Variants in LAPTM4B observed in about 807,000 individuals in gnomAD.
LAPTM4B encodes the protein lysosomal-associated transmembrane protein 4B.
Under a neutral mutation model 28.5 loss-of-function variants are expected in LAPTM4B, and 26 were observed. The observed-to-expected ratio is 0.91, with a 90% CI of 0.67 to 1.27. The LOEUF is 1.27. Among genes scored for constraint, LAPTM4B ranks in the 50% most tolerant of loss-of-function variants. The probability of loss-of-function intolerance (pLI) is 0.00; values close to 1 mark genes in which losing one functional copy is unlikely to be tolerated. For missense variants in LAPTM4B, 288 were observed against 285.8 expected, an observed-to-expected ratio of 1.01 and a Z score of -0.06; for synonymous variants, 109 against 106.4, an observed-to-expected ratio of 1.02 and a Z score of -0.15.
intron 1 of LAPTM4B, among the ~76,000 whole-genome samples, chr8:97,779,124 G>A (rs963811735): frequency 2.6e-5 from 4 of 152,118 alleles, no homozygotes; most frequent in Admixed American, 6.6e-5. Flanking sequence ...CCAGGAGTTC[G>A]AAGCTGCAGT....
At chr8:97,810,338 A>G (rs1816808173) in intron 2 of LAPTM4B, among the ~76,000 whole-genome samples, 1 of 152,208 alleles carries the variant, frequency 6.6e-6, no homozygotes, top group Non-Finnish European at 1.5e-5. Context: ...TCTGGAAAAG[A>G]AAAAGGACAT....
intron 2 of LAPTM4B, among the ~76,000 whole-genome samples, chr8:97,807,887 TAAAAA>T (rs58830867): frequency 0.46 from 63,718 of 139,950 alleles, 14,589 homozygotes; most frequent in East Asian, 0.58. Context: ...AGAGATAACT[TAAAAA>T]AAAAAAAAAA....
At chr8:97,819,684 A>G (rs554043108) in intron 5 of LAPTM4B, among the ~76,000 whole-genome samples, 25 of 150,568 alleles carry the variant, frequency 1.7e-4, no homozygotes, top group African/African-American at 5.6e-4. Context: ...GAATATATTT[A>G]AGTACATCCT....
chr8:97,823,364 TTTGTTG>T (rs1817040365), intron 5 of LAPTM4B, among the ~76,000 whole-genome samples: 9 of 134,540 alleles, frequency 6.7e-5, no homozygotes, highest in African/African-American at 2.4e-4. Flanking sequence ...TTGTTTTTTT[TTTGTTG>T]TTGTTGTTGT....
chr8:97,805,431 C>G lies in LAPTM4B; in HGVS notation c.178C>G (p.Leu60Val), dbSNP rs1212529986. Residue 60 changes from leucine (L) to valine (V), a missense_variant, in exon 2 of 7, where the codon CTG becomes GTG. Transcript: ENST00000521545. ...PDQYNFSSSE[L>V]GGDFEFMDDA... Reference sequence around the variant, plus strand: ...TCAGTATAACTTTTCAAGTTCTGAACTGGGAGGTGACTTTGAGTTCATGGA... The same window carrying G: ...TCAGTATAACTTTTCAAGTTCTGAAGTGGGAGGTGACTTTGAGTTCATGGA... 2.5e-6 allele frequency: 4 copies of G among 1,604,742 alleles called. No individual in the cohort carries two copies. The highest frequency in any genetic ancestry group is 2.6e-6 in the Non-Finnish European group (3 of 1,175,366).
At position 97,812,456 on chromosome 8, in the gene LAPTM4B, G is replaced by GT. The variant is rs1249031891; in HGVS notation, c.212-2871dup. On this transcript the variant is annotated intron_variant, in intron 2 of 6. Transcript: ENST00000521545. ...TCCTGACCTCAAGTGATCCACCTGC[G>GT]TCGGCCTCCCAGAGTGCTGGGATTA... 2.6e-5 allele frequency among the ~76,000 whole-genome samples: 4 copies of GT among 151,788 alleles called. No homozygotes were observed. The East Asian group carries it at 7.7e-4, about 29-fold the overall frequency.
In LAPTM4B at chr8:97,789,531, T is replaced by G. The variant is rs566726341; in HGVS notation, c.99+13423T>G. 5.9e-4 allele frequency among the ~76,000 whole-genome samples: 81 copies of G among 136,700 alleles called. 1 individual carries two copies. Among genetic ancestry groups the G allele is most frequent in the African/African-American group, 3.0e-3 (81 of 27,310 alleles). 89.7% of individuals were successfully genotyped at this position (136,700 alleles called of 152,430 possible). ...ACCCTACCATACCTGGCTAATTTTT[T>G]TTTTTTTTTTTGAGAGACGGAGATT... is the stretch of plus-strand genomic sequence containing the variant. On this transcript the variant is annotated intron_variant, in intron 1 of 6. Coordinates refer to ENST00000521545, the MANE Select transcript of LAPTM4B (RefSeq NM_018407.6).
intron 4 of LAPTM4B, among the ~76,000 whole-genome samples, chr8:97,817,962 C>T (rs766625300): frequency 1.3e-5 from 2 of 151,740 alleles, no homozygotes; most frequent in Admixed American, 6.6e-5. Context: ...TACAGACATG[C>T]ACCACCATGC....
chr8:97,811,945 A>G (rs1399214259), intron 2 of LAPTM4B, among the ~76,000 whole-genome samples: 1 of 152,008 alleles, frequency 6.6e-6, no homozygotes, highest in East Asian at 1.9e-4. Context: ...AGCTGGGACC[A>G]TAGGTGCGTA....
intron 1 of LAPTM4B, among the ~76,000 whole-genome samples, chr8:97,782,423 CCACCACTCCA>C (rs1816336184): frequency 6.6e-6 from 1 of 151,024 alleles, no homozygotes; most frequent in South Asian, 2.1e-4. Flanking sequence ...CAGGCTCACA[CCACCACTCCA>C]CACCACTCCA....
intron 2 of LAPTM4B, among the ~76,000 whole-genome samples, chr8:97,813,032 A>G (rs984757129): frequency 1.2e-4 from 18 of 152,228 alleles, no homozygotes; most frequent in African/African-American, 4.3e-4. Context: ...GTAGGATGTT[A>G]TATTAGTCAG....
intron 5 of LAPTM4B, among the ~76,000 whole-genome samples, chr8:97,821,920 A>G (rs1024059647): frequency 1.3e-5 from 2 of 152,208 alleles, no homozygotes; most frequent in African/African-American, 4.8e-5. Context: ...TAAATAAAAA[A>G]ATAAAAACAA....
rs1386816062 is a variant in LAPTM4B at position 97,816,062 on chromosome 8, G to A, written c.290G>A (p.Arg97His). 1.6e-5 allele frequency: 25 copies of A among 1,609,784 alleles called. No homozygotes were observed. The highest frequency in any genetic ancestry group is 6.8e-5 in the Admixed American group (4 of 58,838). The change falls in exon 4 of 7, where the codon CGC becomes CAC. Residue 97 changes from arginine (R) to histidine (H), a missense_variant. Arg to His is a conservative substitution (Grantham distance 29). Coordinates refer to ENST00000521545, the MANE Select transcript of LAPTM4B (RefSeq NM_018407.6). ...TCTATTTTCTGTTCTGTTTAGCAAC[G>A]CGCAGCCTGGATCATCCCATTCTTC... is the stretch of plus-strand genomic sequence containing the variant. ...AMATYGAYKQ[R>H]AAWIIPFFCY...
intron 4 of LAPTM4B, among the ~76,000 whole-genome samples, chr8:97,816,705 A>T (rs1395458730): frequency 6.6e-6 from 1 of 152,210 alleles, no homozygotes; most frequent in African/African-American, 2.4e-5. Flanking sequence ...GGTAAAATGT[A>T]GTTTTCTCAG....
At chr8:97,787,506 G>T (rs931218693) in intron 1 of LAPTM4B, among the ~76,000 whole-genome samples, 17 of 152,034 alleles carry the variant, frequency 1.1e-4, no homozygotes, top group Admixed American at 2.0e-4. Context: ...GGATGGTCTC[G>T]ATCTCCTGAC....
chr8:97,805,458 G>A lies in LAPTM4B; in HGVS notation c.205G>A (p.Asp69Asn). The A allele has an allele frequency of 6.3e-7, 1 of 1,577,038 alleles. No individual in the cohort carries two copies. Among genetic ancestry groups the A allele is most frequent in the Non-Finnish European group, 8.7e-7 (1 of 1,147,074 alleles). Residue 69 changes from aspartate to asparagine, a missense_variant, in exon 2 of 7, where the codon GAT (aspartate) becomes AAT (asparagine). Asp to Asn is a conservative substitution (Grantham distance 23). Coordinates refer to ENST00000521545, the MANE Select transcript of LAPTM4B (RefSeq NM_018407.6). ...GGGAGGTGACTTTGAGTTCATGGAT[G>A]ATGCCAGTAAGTAGTAGATATTTGG... Reference protein sequence around the residue: ...ELGGDFEFMDDANMCIAIAIS... With the variant: ...ELGGDFEFMDNANMCIAIAIS...
chr8:97,791,493 A>G (rs1408038009), intron 1 of LAPTM4B, among the ~76,000 whole-genome samples: 1 of 152,142 alleles, frequency 6.6e-6, no homozygotes, highest in South Asian at 2.1e-4. Context: ...GAGAATGAAC[A>G]CCAGAACCGA....
intron 6 of LAPTM4B, among the ~76,000 whole-genome samples, chr8:97,839,380 A>G (rs1817311521): frequency 6.6e-6 from 1 of 151,844 alleles, no homozygotes; most frequent in African/African-American, 2.4e-5. Context: ...TTTAGTAGAG[A>G]CGGGGTTTCA....
chr8:97,793,651 A>G (rs1816539691), intron 1 of LAPTM4B, among the ~76,000 whole-genome samples: 1 of 152,236 alleles, frequency 6.6e-6, no homozygotes, highest in Non-Finnish European at 1.5e-5. Context: ...AAATACCACC[A>G]TTAAAAATGA....
Sources: allele counts gnomAD v4.1 joint callset (sites outside exome capture counted in the v4.1 genomes callset), GRCh38; gene constraint gnomAD v4.1.1; transcripts MANE v1.5; gene names NCBI Gene and HGNC (gene_info 2026-07-23, HGNC 2026-07-21).